GTF3C2: variants seen among roughly 807,000 people sequenced by gnomAD.
GTF3C2 encodes general transcription factor 3C polypeptide 2.
Under a neutral mutation model 117.4 loss-of-function variants are expected in GTF3C2, and 17 were observed. The observed-to-expected ratio is 0.14, with a 90% CI of 0.10 to 0.22. GTF3C2 has a LOEUF of 0.22. Among genes scored for constraint, GTF3C2 ranks in the 10% least tolerant of loss-of-function variants. GTF3C2 has a pLI of 1.00. For synonymous variants in GTF3C2, 437 were observed against 427.0 expected (o/e 1.02, Z -0.29); for missense variants, 888 against 1,143.6 (o/e 0.78, Z 3.22).
chr2:27,348,585 C>T (rs1681003018), intron 1 of GTF3C2, among the ~76,000 whole-genome samples: 1 of 152,078 alleles, frequency 6.6e-6, no homozygotes. Context: ...AAGCAGATTG[C>T]TTGAGGCCAG....
chr2:27,330,582 C>T (rs1680243236), intron 12 of GTF3C2, among the ~76,000 whole-genome samples: 1 of 152,122 alleles, frequency 6.6e-6, no homozygotes, highest in South Asian at 2.1e-4. Context: ...GTAATCCTAG[C>T]ACTTTGGGAG....
At chr2:27,332,346 T>C (rs1447533725) in intron 12 of GTF3C2, among the ~76,000 whole-genome samples, 1 of 151,558 alleles carries the variant, frequency 6.6e-6, no homozygotes, top group African/African-American at 2.4e-5. Flanking sequence ...CTCTAATCTT[T>C]CTATTTTTAT....
intron 1 of GTF3C2, among the ~76,000 whole-genome samples, chr2:27,347,664 C>T (rs751542451): frequency 1.3e-5 from 2 of 152,214 alleles, no homozygotes; most frequent in Non-Finnish European, 1.5e-5. Context: ...AATTCCTGCA[C>T]TTTCAAAAAC....
chr2:27,352,888 G>C (rs1681183431), intron 1 of GTF3C2, among the ~76,000 whole-genome samples: 1 of 152,124 alleles, frequency 6.6e-6, no homozygotes, highest in South Asian at 2.1e-4. Flanking sequence ...CACTTTTCTT[G>C]AGAAGCAATT....
At chr2:27,349,240 C>T (rs1479675759) in intron 1 of GTF3C2, among the ~76,000 whole-genome samples, 7 of 150,596 alleles carry the variant, frequency 4.6e-5, no homozygotes, top group East Asian at 3.9e-4. Flanking sequence ...CTCCGCCTCC[C>T]GGGTTCACGC....
intron 11 of GTF3C2, 35 bp from the exon 12 acceptor site, chr2:27,333,819 G>T: frequency 6.3e-7 from 1 of 1,594,016 alleles, no homozygotes; most frequent in Non-Finnish European, 8.6e-7. Flanking sequence ...TAGGGTTAGG[G>T]ACACCTACAC....
intron 7 of GTF3C2, 27 bp from the exon 8 acceptor site, chr2:27,336,452 A>G (rs773866245): frequency 7.3e-7 from 1 of 1,373,362 alleles, no homozygotes; most frequent in Non-Finnish European, 1.0e-6. Context: ...GATGGGATGA[A>G]GAAAGGAATT....
At chr2:27,342,118 G>T in exon 4 of GTF3C2, 1 of 1,614,188 alleles carries the variant, frequency 6.2e-7, no homozygotes, top group Non-Finnish European at 8.5e-7. Flanking sequence ...GCTGCTGGCT[G>T]CCGGATCTTC....
At chr2:27,343,522 C>A in exon 2 of GTF3C2, 1 of 1,613,950 alleles carries the variant, frequency 6.2e-7, no homozygotes, top group South Asian at 1.1e-5. Flanking sequence ...CGGCCTCCCC[C>A]AGGGCAACAT....
exon 8 of GTF3C2, chr2:27,336,317 C>T (rs766788957): frequency 1.7e-5 from 28 of 1,613,082 alleles, no homozygotes; most frequent in Non-Finnish European, 2.1e-5. Context: ...CCACATATTG[C>T]GAGGCTCCTG....
chr2:27,341,224 C>A (rs573097637), intron 4 of GTF3C2, among the ~76,000 whole-genome samples: 1 of 151,762 alleles, frequency 6.6e-6, no homozygotes, highest in African/African-American at 2.4e-5. Context: ...TTAGGAGAGA[C>A]GGGGTTTCAC....
chr2:27,346,726 G>A (rs1043438848), intron 1 of GTF3C2, among the ~76,000 whole-genome samples: 5 of 148,474 alleles, frequency 3.4e-5, no homozygotes, highest in East Asian at 2.0e-4. Context: ...TCAGGATCTC[G>A]CTCTGTCACC....
intron 6 of GTF3C2, 53 bp downstream of exon 6, chr2:27,337,428 C>T: frequency 2.0e-6 from 3 of 1,464,600 alleles, no homozygotes; most frequent in East Asian, 2.3e-5. Context: ...GTCACCCTTT[C>T]GTCTCCAGTG....
chr2:27,340,491 C>T (rs1395053438), intron 4 of GTF3C2: 1 of 152,164 alleles, frequency 6.6e-6, no homozygotes, highest in East Asian at 1.9e-4. Context: ...GCCTTGGCTT[C>T]CCAAAGTGCT....
At position 27,336,498 on chromosome 2, in the gene GTF3C2, C is replaced by T. The variant is rs533556632; in HGVS notation, c.1128-73G>A. ...AATGAGGACTGAATGGGCGCTCCAC[C>T]CAGAGCCAGTATGAACTGGCTCAAG... is the stretch of plus-strand genomic sequence containing the variant. On this transcript the variant is annotated intron_variant, in intron 7 of 18. Coordinates refer to ENST00000264720, the Ensembl canonical transcript of GTF3C2. 974 of 878,626 alleles carry T rather than the reference C, an allele frequency of 1.1e-3. 10 individuals carry two copies. The South Asian group carries it at 0.014, about 12-fold the overall frequency. The allele number at this position is 878,626 out of a possible 1,614,324, so 54.4% of individuals were successfully genotyped here.
chr2:27,346,548 C>T (rs1190323582), intron 1 of GTF3C2, among the ~76,000 whole-genome samples: 3 of 151,176 alleles, frequency 2.0e-5, no homozygotes, highest in Non-Finnish European at 4.4e-5. Context: ...GACTAAGTTT[C>T]ACCATGTTGC....
intron 1 of GTF3C2, 43 bp from the exon 2 acceptor site, chr2:27,343,621 T>C (rs752091693): frequency 2.0e-6 from 3 of 1,517,098 alleles, no homozygotes; most frequent in Admixed American, 3.5e-5. Context: ...CAAAAACTAT[T>C]TGTACTAGCT....
At chr2:27,346,330 C>CTTTTTTT (rs144256545) in intron 1 of GTF3C2, among the ~76,000 whole-genome samples, 3 of 64,302 alleles carry the variant, frequency 4.7e-5, no homozygotes, top group Admixed American at 2.3e-4. Context: ...ATTCTGATAC[C>CTTTTTTT]TTTTTTTTTT....
At chr2:27,335,265 C>T in intron 10 of GTF3C2, 1 of 505,432 alleles carries the variant, frequency 2.0e-6, no homozygotes, top group Non-Finnish European at 4.0e-6. Context: ...AAGAGTATAG[C>T]AGGGGAGATG....
Sources: allele counts gnomAD v4.1 joint callset (sites outside exome capture counted in the v4.1 genomes callset), GRCh38; gene constraint gnomAD v4.1.1; transcripts MANE v1.5; gene names NCBI Gene and HGNC (gene_info 2026-07-23, HGNC 2026-07-21).